Variants in CACNG4 observed in about 807,000 individuals in gnomAD.
CACNG4 encodes the protein calcium voltage-gated channel auxiliary subunit gamma 4.
CACNG4 carries 8 observed loss-of-function variants against 22.9 expected under a neutral mutation model. The ratio of observed to expected loss-of-function variants is 0.35; its 90% CI spans 0.21 to 0.63. CACNG4 has a LOEUF of 0.63. CACNG4 is among the 30% of genes least tolerant of loss of function. The pLI is 0.72. For synonymous variants in CACNG4, 188 were observed against 191.9 expected, an observed-to-expected ratio of 0.98 and a Z score of 0.17; for missense variants, 357 against 455.4, an observed-to-expected ratio of 0.78 and a Z score of 1.97.
At position 67,026,928 on chromosome 17, in the gene CACNG4, G is replaced by T. The variant is rs75275457; in HGVS notation, c.445+1928G>T. 7.6e-4 allele frequency among the ~76,000 whole-genome samples: 98 copies of T among 129,108 alleles called. 3 individuals are homozygous for T. The East Asian group carries it at 0.018, about 24-fold the overall frequency. The allele number at this position is 129,108 out of a possible 152,430, so 84.7% of individuals were successfully genotyped here. ...TTCTCTCTCTCCTGCCCCAGTGCCC[G>T]CCACCTGCTCCTTGAAGCAGTCATT... On this transcript the variant is annotated intron_variant, in intron 3 of 3. Coordinates refer to ENST00000262138, the MANE Select transcript of CACNG4 (RefSeq NM_014405.4).
chr17:66,973,854 G>C (rs551188852), intron 1 of CACNG4, among the ~76,000 whole-genome samples: 1 of 152,144 alleles, frequency 6.6e-6, no homozygotes, highest in South Asian at 2.1e-4. Flanking sequence ...TGCCCCCAAC[G>C]TCCCGTCCCC....
chr17:66,984,538 T>G lies in CACNG4; in HGVS notation c.220+19407T>G, dbSNP rs1387414434. On this transcript the variant is annotated intron_variant, in intron 1 of 3. Coordinates refer to ENST00000262138, the MANE Select transcript of CACNG4 (RefSeq NM_014405.4). This position sits in a 1 kb window ranked among gnomAD's most constrained non-coding sequence, Gnocchi z 4.0. ...TCGAGAATGTGTGTGCCTAGCCCTG[T>G]GCTATGTTCTGGGGACTCGTTCATT... Among the ~76,000 whole-genome samples the G allele has an allele frequency of 2.6e-5, 4 of 152,190 alleles. No individual in the cohort carries two copies. Among genetic ancestry groups the G allele is most frequent in the African/African-American group, 9.7e-5 (4 of 41,438 alleles).
intron 1 of CACNG4, among the ~76,000 whole-genome samples, chr17:66,966,022 G>A (rs1221919549): frequency 1.3e-5 from 2 of 152,192 alleles, no homozygotes; most frequent in Non-Finnish European, 2.9e-5. Context: ...GGAGCTGGGC[G>A]CTGCGACCCC....
Position 66,964,747 on chromosome 17 carries a change from G to A in CACNG4, c.-165G>A, listed in dbSNP as rs1305156964. ...TCGGAGTTTGAGCCCCAGCGCTGCC[G>A]GAGCGCAGGCACGCCCGGGGCGCGG... On this transcript the variant is annotated 5_prime_UTR_variant, in exon 1 of 4. Coordinates refer to ENST00000262138, the MANE Select transcript of CACNG4 (RefSeq NM_014405.4). Among the ~76,000 whole-genome samples, 1 of 145,418 alleles carries A rather than the reference G, an allele frequency of 6.9e-6. No individual in the cohort carries two copies. Among genetic ancestry groups the A allele is most frequent in the African/African-American group, 2.5e-5 (1 of 40,610 alleles).
chr17:67,000,225 T>A (rs764495656), intron 1 of CACNG4, among the ~76,000 whole-genome samples: 2 of 152,010 alleles, frequency 1.3e-5, no homozygotes, highest in Non-Finnish European at 2.9e-5. Context: ...TAGCTTCCCA[T>A]TAACTTTTAT....
intron 1 of CACNG4, among the ~76,000 whole-genome samples, chr17:67,005,168 CA>C (rs1490126188): frequency 2.6e-5 from 4 of 152,212 alleles, no homozygotes. Context: ...TAAAAACTCC[CA>C]AAAGTCCCTT....
chr17:66,970,169 G>A (rs8074503), intron 1 of CACNG4, among the ~76,000 whole-genome samples: 4,562 of 152,252 alleles, frequency 0.03, 208 homozygotes, highest in African/African-American at 0.1. Flanking sequence ...GGCTTAAGAC[G>A]TGCACAGCTC....
Position 66,995,150 on chromosome 17 carries a change from C to T in CACNG4, c.221-23039C>T, listed in dbSNP as rs139671406. On this transcript the variant is annotated intron_variant, in intron 1 of 3. Coordinates refer to ENST00000262138, the MANE Select transcript of CACNG4 (RefSeq NM_014405.4). ...CGTGGAGGTGGCCCTGGCGCCCTCA[C>T]GCCACTGCCCCGGGTCGTGGCACCG... Among the ~76,000 whole-genome samples, 168 of 152,278 alleles carry T rather than the reference C, an allele frequency of 1.1e-3. No individual in the cohort carries two copies. The Middle Eastern group carries it at 0.017, about 15-fold the overall frequency.
At chr17:67,017,667 G>A (rs934714417) in intron 1 of CACNG4, among the ~76,000 whole-genome samples, 11 of 152,040 alleles carry the variant, frequency 7.2e-5, no homozygotes, top group Non-Finnish European at 4.4e-5. Flanking sequence ...ATAGGCATTC[G>A]CCACCACGGC....
intron 1 of CACNG4, among the ~76,000 whole-genome samples, chr17:67,007,463 C>A (rs576193721): frequency 2.0e-5 from 3 of 152,172 alleles, no homozygotes; most frequent in Non-Finnish European, 4.4e-5. Context: ...CACGATTTAG[C>A]CTTCTCAAGG....
intron 1 of CACNG4, among the ~76,000 whole-genome samples, chr17:67,010,474 T>C (rs905833752): frequency 9.9e-5 from 15 of 152,164 alleles, no homozygotes; most frequent in African/African-American, 3.4e-4. Context: ...TTAGGGCACT[T>C]AGTAACAAAG....
intron 1 of CACNG4, among the ~76,000 whole-genome samples, chr17:67,006,608 C>G (rs1390473344): frequency 6.6e-6 from 1 of 152,184 alleles, no homozygotes; most frequent in African/African-American, 2.4e-5. Context: ...CCATTCAGCA[C>G]TTGTCCCTTA....
intron 2 of CACNG4, among the ~76,000 whole-genome samples, chr17:67,021,005 C>T (rs1021208916): frequency 2.0e-5 from 3 of 152,230 alleles, no homozygotes; most frequent in African/African-American, 7.2e-5. Context: ...GGAGTTCCAG[C>T]TTGGTCAACA....
At chr17:66,966,587 T>C (rs1045549857) in intron 1 of CACNG4, among the ~76,000 whole-genome samples, 4 of 152,198 alleles carry the variant, frequency 2.6e-5, no homozygotes, top group African/African-American at 4.8e-5. Flanking sequence ...ATCTGCTTAG[T>C]GAAGTCAACT....
chr17:67,021,910 G>A (rs1477213343), intron 2 of CACNG4, among the ~76,000 whole-genome samples: 1 of 152,104 alleles, frequency 6.6e-6, no homozygotes, highest in Non-Finnish European at 1.5e-5. Context: ...CACCTGCGCT[G>A]TGCCCGACCT....
chr17:66,965,597 T>C (rs1233726369), intron 1 of CACNG4, among the ~76,000 whole-genome samples: 1 of 145,878 alleles, frequency 6.9e-6, no homozygotes, highest in Non-Finnish European at 1.5e-5. Context: ...AACCGGTGTC[T>C]GTGCTATTGC....
intron 1 of CACNG4, among the ~76,000 whole-genome samples, chr17:67,017,616 C>G (rs566085744): frequency 2.0e-5 from 3 of 152,118 alleles, no homozygotes; most frequent in African/African-American, 7.2e-5. Flanking sequence ...CTCCCGGGTT[C>G]AAGCAATTCT....
At chr17:66,975,794 C>T (rs759737025) in intron 1 of CACNG4, among the ~76,000 whole-genome samples, 1 of 152,232 alleles carries the variant, frequency 6.6e-6, no homozygotes, top group African/African-American at 2.4e-5. Flanking sequence ...CTCCTGTGAA[C>T]TGCAAAATCA....
At chr17:67,004,522 T>A (rs1044763426) in intron 1 of CACNG4, among the ~76,000 whole-genome samples, 4 of 152,136 alleles carry the variant, frequency 2.6e-5, no homozygotes, top group Non-Finnish European at 4.4e-5. Flanking sequence ...TGGAGCCCTG[T>A]GGTCTCCAGG....
Sources: gnomAD v4.1 joint callset for allele counts (sites outside exome capture counted in the v4.1 genomes callset) on GRCh38, gnomAD v4.1.1 for gene constraint, Gnocchi (gnomAD v3.1) non-coding constraint, MANE v1.5 for transcripts, NCBI Gene and HGNC (gene_info 2026-07-23, HGNC 2026-07-21) for gene names.